The following ADAMTSL1 variants were observed in gnomAD, a reference collection of about 807,000 sequenced individuals.
ADAMTSL1 encodes the protein ADAMTS like 1, also known as ADAMTS-like protein 1.
In ADAMTSL1, 126 loss-of-function variants were observed where a neutral mutation model predicts 201.8. The observed-to-expected ratio is 0.62, with a 90% CI of 0.54 to 0.72. The LOEUF (loss-of-function observed/expected upper bound fraction) is 0.72, where lower values mean the gene tolerates loss of function less well. Ranked by LOEUF, ADAMTSL1 falls within the 30% of genes least tolerant of loss-of-function variation. ADAMTSL1 has a pLI of 0.00. For synonymous variants in ADAMTSL1, 1,121 were observed against 903.4 expected, an observed-to-expected ratio of 1.24 and a Z score of -4.32; for missense variants, 2,679 against 2,277.8, an observed-to-expected ratio of 1.18 and a Z score of -3.59.
chr9:18,791,018 C>G (rs1259929134), intron 19 of ADAMTSL1, among the ~76,000 whole-genome samples: 1 of 152,176 alleles, frequency 6.6e-6, no homozygotes, highest in African/African-American at 2.4e-5. Flanking sequence ...GTTTCTCTGC[C>G]TGCTCATTCT....
At chr9:18,697,760 A>C (rs978841864) in intron 13 of ADAMTSL1, among the ~76,000 whole-genome samples, 2 of 152,196 alleles carry the variant, frequency 1.3e-5, no homozygotes, top group African/African-American at 4.8e-5. Context: ...CTGATTTTTT[A>C]CTTGAGCAAT....
chr9:18,497,310 A>G (rs991928668), intron 1 of ADAMTSL1, among the ~76,000 whole-genome samples: 7 of 151,062 alleles, frequency 4.6e-5, no homozygotes, highest in Non-Finnish European at 8.9e-5. Flanking sequence ...TTTCTACAGG[A>G]TACAGTTCTC....
At chr9:18,568,384 A>G (rs1426505028) in intron 3 of ADAMTSL1, among the ~76,000 whole-genome samples, 1 of 152,230 alleles carries the variant, frequency 6.6e-6, no homozygotes, top group Non-Finnish European at 1.5e-5. Flanking sequence ...TTTAGAGGAT[A>G]TATTTTCCAG....
intron 15 of ADAMTSL1, among the ~76,000 whole-genome samples, chr9:18,740,077 G>T (rs971291631): frequency 6.6e-6 from 1 of 152,178 alleles, no homozygotes; most frequent in Non-Finnish European, 1.5e-5. Flanking sequence ...CCTCTGCCAA[G>T]CCAGGCTTGA....
intron 2 of ADAMTSL1, among the ~76,000 whole-genome samples, chr9:18,274,243 G>A (rs1479665290): frequency 6.6e-6 from 1 of 152,268 alleles, no homozygotes; most frequent in South Asian, 2.1e-4. Flanking sequence ...TGATGCATTC[G>A]TAAAAATGTA....
chr9:18,047,007 T>G (rs776397076), intron 1 of ADAMTSL1, among the ~76,000 whole-genome samples: 4 of 151,960 alleles, frequency 2.6e-5, no homozygotes, highest in Non-Finnish European at 5.9e-5. Context: ...CATTGTAATG[T>G]GGAGTAATGG....
chr9:18,485,346 G>A (rs1159721106), intron 1 of ADAMTSL1, among the ~76,000 whole-genome samples: 1 of 152,176 alleles, frequency 6.6e-6, no homozygotes, highest in African/African-American at 2.4e-5. Flanking sequence ...GCTAACCAAT[G>A]TCCTTATTCT....
chr9:18,754,464 T>C (rs1031204835), intron 16 of ADAMTSL1, among the ~76,000 whole-genome samples: 1 of 152,134 alleles, frequency 6.6e-6, no homozygotes, highest in Non-Finnish European at 1.5e-5. Flanking sequence ...GCATGAAAGG[T>C]GGAGGAGACA....
chr9:18,003,686 T>C (rs557585728), intron 1 of ADAMTSL1, among the ~76,000 whole-genome samples: 26 of 152,216 alleles, frequency 1.7e-4, no homozygotes, highest in Non-Finnish European at 3.5e-4. Context: ...CTTTCTTTGA[T>C]GTATTGTGCT....
chr9:18,550,548 C>G (rs935153877), intron 3 of ADAMTSL1, among the ~76,000 whole-genome samples: 1 of 151,856 alleles, frequency 6.6e-6, no homozygotes, highest in Non-Finnish European at 1.5e-5. Flanking sequence ...TCTTAAAACC[C>G]CAAAGAACTG....
intron 2 of ADAMTSL1, among the ~76,000 whole-genome samples, chr9:18,530,318 T>C (rs962702877): frequency 3.3e-5 from 5 of 152,274 alleles, no homozygotes; most frequent in African/African-American, 1.2e-4. Flanking sequence ...CCATAATTTT[T>C]TTCATGGATA....
chr9:18,028,526 T>A (rs2051974513), intron 1 of ADAMTSL1, among the ~76,000 whole-genome samples: 1 of 152,106 alleles, frequency 6.6e-6, no homozygotes, highest in South Asian at 2.1e-4. Flanking sequence ...CCCTTTTCTC[T>A]AGCTAACTTT....
At chr9:18,199,472 C>T (rs943775445) in intron 2 of ADAMTSL1, among the ~76,000 whole-genome samples, 1 of 151,930 alleles carries the variant, frequency 6.6e-6, no homozygotes, top group African/African-American at 2.4e-5. Flanking sequence ...TTAGCATTTT[C>T]ACAAGTAATA....
At chr9:18,723,030 C>G (rs765393095) in intron 15 of ADAMTSL1, 5 of 779,930 alleles carry the variant, frequency 6.4e-6, no homozygotes. Context: ...GCAGTATCGA[C>G]TCAGCATGGA....
At chr9:18,099,620 C>A (rs1267896019) in intron 1 of ADAMTSL1, among the ~76,000 whole-genome samples, 1 of 145,252 alleles carries the variant, frequency 6.9e-6, no homozygotes, top group Non-Finnish European at 1.5e-5. Flanking sequence ...TTCTTTCTTC[C>A]TTTTTCTCTC....
At chr9:17,956,131 A>G (rs893931494) in intron 1 of ADAMTSL1, among the ~76,000 whole-genome samples, 3 of 152,202 alleles carry the variant, frequency 2.0e-5, no homozygotes, top group African/African-American at 7.2e-5. Context: ...ATGCAATCAA[A>G]TACTTTAACA....
At chr9:18,454,072 A>G (rs1034119935) in intron 2 of ADAMTSL1, among the ~76,000 whole-genome samples, 2 of 152,222 alleles carry the variant, frequency 1.3e-5, no homozygotes, top group Non-Finnish European at 2.9e-5. Context: ...TCATGTGATT[A>G]TGGAAGCTGA....
chr9:18,117,828 A>G (rs866125059), intron 1 of ADAMTSL1, among the ~76,000 whole-genome samples: 1 of 152,284 alleles, frequency 6.6e-6, no homozygotes, highest in South Asian at 2.1e-4. Context: ...TGCATGTTAC[A>G]TTGGACCTTT....
At chr9:18,013,081 A>G (rs1222388749) in intron 1 of ADAMTSL1, among the ~76,000 whole-genome samples, 2 of 151,646 alleles carry the variant, frequency 1.3e-5, no homozygotes, top group African/African-American at 4.8e-5. Context: ...TAAGGGTATT[A>G]TTCCATAATT....
Sources: gnomAD v4.1 joint callset for allele counts (sites outside exome capture counted in the v4.1 genomes callset) on GRCh38, gnomAD v4.1.1 for gene constraint, MANE v1.5 for transcripts, NCBI Gene and HGNC (gene_info 2026-07-23, HGNC 2026-07-21) for gene names.